Variants in CSMD1 observed in about 807,000 individuals in gnomAD.
CSMD1 encodes CUB and sushi domain-containing protein 1.
Under a neutral mutation model 417.5 loss-of-function variants are expected in CSMD1, and 213 were observed. The ratio of observed to expected loss-of-function variants is 0.51; its 90% confidence interval spans 0.46 to 0.57. The LOEUF is 0.57. CSMD1 is among the 20% of genes least tolerant of loss of function. The pLI is 0.00. For synonymous variants in CSMD1, 2,862 were observed against 1,736.8 expected, an observed-to-expected ratio of 1.65 and a Z score of -16.11; for missense variants, 6,923 against 4,529.7, an observed-to-expected ratio of 1.53 and a Z score of -15.17.
intron 3 of CSMD1, among the ~76,000 whole-genome samples, chr8:4,231,139 AAACT>A (rs1312201493): frequency 1.3e-5 from 2 of 152,192 alleles, no homozygotes; most frequent in African/African-American, 4.8e-5. Flanking sequence ...AGTATTACGA[AAACT>A]AACAGGATAT....
chr8:3,426,075 TA>T (rs1263933968), intron 12 of CSMD1, among the ~76,000 whole-genome samples: 2 of 152,236 alleles, frequency 1.3e-5, no homozygotes, highest in East Asian at 3.8e-4. Context: ...TGTGAAAATG[TA>T]AAAAAGCAGA....
chr8:4,712,487 C>A (rs545944213), intron 1 of CSMD1, among the ~76,000 whole-genome samples: 87 of 152,242 alleles, frequency 5.7e-4, no homozygotes, highest in African/African-American at 2.0e-3. Flanking sequence ...GCAGAAATGG[C>A]TAATTGCTTG....
chr8:3,532,022 A>C (rs1223032525), intron 10 of CSMD1, among the ~76,000 whole-genome samples: 1 of 152,212 alleles, frequency 6.6e-6, no homozygotes, highest in African/African-American at 2.4e-5. Context: ...ACCTGGTCCT[A>C]AACAGTTTTT....
At chr8:4,462,815 A>C (rs188331910) in intron 2 of CSMD1, among the ~76,000 whole-genome samples, 2 of 152,344 alleles carry the variant, frequency 1.3e-5, no homozygotes, top group East Asian at 1.9e-4. Context: ...ATCCACAAAA[A>C]AATTGATAAA....
intron 4 of CSMD1, among the ~76,000 whole-genome samples, chr8:4,000,909 A>G (rs893929086): frequency 6.6e-6 from 1 of 152,162 alleles, no homozygotes; most frequent in African/African-American, 2.4e-5. Context: ...GAAAATTATC[A>G]AAGTCCACGT....
At position 3,723,218 on chromosome 8, in the gene CSMD1, T is replaced by G. The variant is rs116769147; in HGVS notation, c.932-14727A>C. On this transcript the variant is annotated intron_variant, in intron 6 of 69. Transcript: ENST00000635120. ...AGGGAAGCTTGTGGCCATGGACCCT[T>G]CCCTGCCTTGTGACCCATCCATCAA... Among the ~76,000 whole-genome samples, 446 of 152,254 alleles carry G rather than the reference T, an allele frequency of 2.9e-3. 1 individual carries two copies. The highest frequency in any genetic ancestry group is 0.01 in the African/African-American group (426 of 41,544).
chr8:3,882,991 T>C (rs1042266732), intron 5 of CSMD1, among the ~76,000 whole-genome samples: 21 of 152,296 alleles, frequency 1.4e-4, no homozygotes, highest in African/African-American at 5.1e-4. Context: ...ATAGCTGATA[T>C]GTGCACACTT....
At chr8:3,057,099 C>A (rs1477254960) in intron 49 of CSMD1, among the ~76,000 whole-genome samples, 1 of 151,976 alleles carries the variant, frequency 6.6e-6, no homozygotes, top group African/African-American at 2.4e-5. Context: ...GAAACTTCCA[C>A]AAATATAAGC....
intron 2 of CSMD1, among the ~76,000 whole-genome samples, chr8:4,580,349 T>A (rs1421439868): frequency 6.6e-6 from 1 of 152,208 alleles, no homozygotes; most frequent in Admixed American, 6.5e-5. Flanking sequence ...ATCATATATC[T>A]TTTTAACATT....
intron 1 of CSMD1, among the ~76,000 whole-genome samples, chr8:4,928,656 T>C (rs1164104712): frequency 6.6e-6 from 1 of 152,196 alleles, no homozygotes; most frequent in Non-Finnish European, 1.5e-5. Context: ...GAATTCATTG[T>C]TACTCAGGGT....
At chr8:4,542,082 C>T (rs1458876244) in intron 2 of CSMD1, among the ~76,000 whole-genome samples, 1 of 152,076 alleles carries the variant, frequency 6.6e-6, no homozygotes, top group Non-Finnish European at 1.5e-5. Context: ...TAGCTTCTTA[C>T]CAAGTGAAAT....
chr8:4,731,041 A>C (rs2116955876), intron 1 of CSMD1, among the ~76,000 whole-genome samples: 1 of 152,262 alleles, frequency 6.6e-6, no homozygotes, highest in East Asian at 1.9e-4. Context: ...ACGAATGAAG[A>C]GTATGGAGGG....
chr8:3,414,064 A>C (rs993434203), intron 12 of CSMD1, among the ~76,000 whole-genome samples: 2 of 150,732 alleles, frequency 1.3e-5, no homozygotes, highest in Non-Finnish European at 3.0e-5. Flanking sequence ...ACTTGAAACC[A>C]GGAGGTGGAC....
Position 3,863,201 on chromosome 8 carries a change from A to T in CSMD1, c.819-109159T>A, listed in dbSNP as rs374165324. On this transcript the variant is annotated intron_variant, in intron 5 of 69. Coordinates refer to ENST00000635120, the MANE Select transcript of CSMD1 (RefSeq NM_033225.6). The stretch of plus-strand genomic sequence containing the variant: ...TACTTGAGGTCAGGAGTTTGAGACC[A>T]GCCTGGCCAACATAGTGAAACCCCA... 4.6e-5 allele frequency among the ~76,000 whole-genome samples: 7 copies of T among 152,196 alleles called. No individual in the cohort carries two copies. In the East Asian group the frequency reaches 1.4e-3, roughly 29 times the overall value.
intron 22 of CSMD1, among the ~76,000 whole-genome samples, chr8:3,346,443 T>C (rs2117629107): frequency 6.6e-6 from 1 of 152,364 alleles, no homozygotes; most frequent in East Asian, 1.9e-4. Context: ...TATTTCTTTT[T>C]AGATTAGTAA....
At chr8:3,104,658 C>G (rs529838542) in intron 46 of CSMD1, among the ~76,000 whole-genome samples, 4 of 151,988 alleles carry the variant, frequency 2.6e-5, no homozygotes, top group South Asian at 4.2e-4. Flanking sequence ...TGGAATCCTG[C>G]CTCATTCCAG....
At chr8:3,039,784 T>C (rs1451631660) in intron 50 of CSMD1, among the ~76,000 whole-genome samples, 1 of 152,156 alleles carries the variant, frequency 6.6e-6, no homozygotes, top group African/African-American at 2.4e-5. Flanking sequence ...ACCCAGAGAT[T>C]AGACTTAATT....
At position 4,641,944 on chromosome 8, in the gene CSMD1, A is replaced by G. The variant is rs138852550; in HGVS notation, c.86-4386T>C. ...ATAATTATTGCTAACATTTTGCTGA[A>G]CACTTTTCTAATCTACAGTTAATGT... On this transcript the variant is annotated intron_variant, in intron 1 of 69. Coordinates refer to ENST00000635120, the MANE Select transcript of CSMD1 (RefSeq NM_033225.6). Among the ~76,000 whole-genome samples, 677 of 152,306 alleles carry G rather than the reference A, an allele frequency of 4.4e-3. 1 individual carries two copies. Among genetic ancestry groups the G allele is most frequent in the Non-Finnish European group, 7.7e-3 (525 of 68,022 alleles).
At chr8:3,718,920 A>G (rs1166009509) in intron 6 of CSMD1, among the ~76,000 whole-genome samples, 1 of 152,120 alleles carries the variant, frequency 6.6e-6, no homozygotes, top group Non-Finnish European at 1.5e-5. Flanking sequence ...GAGCCAATTT[A>G]AACCTTTTCC....
Sources: gnomAD v4.1 joint callset for allele counts (sites outside exome capture counted in the v4.1 genomes callset) on GRCh38, gnomAD v4.1.1 for gene constraint, MANE v1.5 for transcripts, NCBI Gene and HGNC (gene_info 2026-07-23, HGNC 2026-07-21) for gene names.